Variants in KHDC1 observed in about 807,000 individuals in gnomAD.
KHDC1 encodes the protein KH homology domain-containing protein 1.
Under a neutral mutation model 24.7 loss-of-function variants are expected in KHDC1, and 21 were observed. That is an observed-to-expected ratio of 0.85 (90% confidence interval 0.60 to 1.23). KHDC1 has a LOEUF of 1.23. Ranked by LOEUF, KHDC1 falls within the 50% of genes most tolerant of loss-of-function variation. The pLI is 0.00. For synonymous variants in KHDC1, 98 were observed against 111.7 expected (o/e 0.88, Z 0.77); for missense variants, 274 against 298.5 (o/e 0.92, Z 0.61).
chr6:73,276,845 TTA>T (rs1409271839), intron 2 of KHDC1, among the ~76,000 whole-genome samples: 3 of 152,322 alleles, frequency 2.0e-5, no homozygotes, highest in African/African-American at 7.2e-5. Flanking sequence ...AGAGACTTGT[TTA>T]AAGATTCAAA....
chr6:73,259,326 C>A (rs921605515), intron 2 of KHDC1, among the ~76,000 whole-genome samples: 4 of 113,408 alleles, frequency 3.5e-5, no homozygotes, highest in Non-Finnish European at 6.6e-5. Context: ...CTCGCTCTGT[C>A]GCCCAGGCTG....
intron 2 of KHDC1, among the ~76,000 whole-genome samples, chr6:73,281,111 A>G (rs1317462315): frequency 6.6e-6 from 1 of 152,102 alleles, no homozygotes; most frequent in Non-Finnish European, 1.5e-5. Flanking sequence ...TGGGAGGCCA[A>G]GGCAGGCGGA....
chr6:73,268,447 G>C (rs1041823705), intron 2 of KHDC1: 3 of 152,356 alleles, frequency 2.0e-5, no homozygotes, highest in African/African-American at 7.2e-5. Context: ...TGTGGAAGGG[G>C]ACCCCAACGG....
intron 2 of KHDC1, among the ~76,000 whole-genome samples, chr6:73,286,679 T>G (rs1489247311): frequency 6.6e-6 from 1 of 152,028 alleles, no homozygotes; most frequent in African/African-American, 2.4e-5. Flanking sequence ...GTCAGGAGTT[T>G]GAGACCAGCC....
chr6:73,309,417 G>A lies in KHDC1; in HGVS notation c.163+135C>T, dbSNP rs942207397. ...CACACCCAGGGTTTTTTTTAACATG[G>A]TGATTTGCAGAACTGTCCTAGGCCT... On this transcript the variant is annotated intron_variant, in intron 1 of 4. Transcript: ENST00000370384. 7 of 817,692 alleles carry A rather than the reference G, an allele frequency of 8.6e-6. No individual in the cohort carries two copies. In the African/African-American group the frequency reaches 9.0e-5, roughly 11 times the overall value. The allele number at this position is 817,692 out of a possible 1,614,324, so 50.7% of individuals were successfully genotyped here.
intron 2 of KHDC1, among the ~76,000 whole-genome samples, chr6:73,272,715 G>A (rs1003178568): frequency 2.0e-5 from 3 of 151,002 alleles, no homozygotes; most frequent in African/African-American, 7.3e-5. Context: ...GGCAGAGGTT[G>A]CAGTGAGCCG....
intron 2 of KHDC1, chr6:73,291,104 C>G: frequency 2.1e-6 from 1 of 485,718 alleles, no homozygotes; most frequent in Admixed American, 2.2e-5. Flanking sequence ...TACTGCTACT[C>G]AATCTGAGGT....
chr6:73,281,658 AGTT>A (rs1767413085), intron 2 of KHDC1, among the ~76,000 whole-genome samples: 1 of 151,150 alleles, frequency 6.6e-6, no homozygotes, highest in South Asian at 2.1e-4. Flanking sequence ...TTTACAGAAG[AGTT>A]GTGAGGATAG....
At chr6:73,281,890 C>G (rs116470700) in intron 2 of KHDC1, among the ~76,000 whole-genome samples, 2 of 151,882 alleles carry the variant, frequency 1.3e-5, no homozygotes, top group African/African-American at 4.8e-5. Flanking sequence ...ATGACCTTGA[C>G]AGTTTTGAGG....
chr6:73,263,244 C>G (rs35806061), intron 2 of KHDC1, 48 bp from the exon 1 acceptor site: 61,449 of 986,438 alleles, frequency 0.062, 1,961 homozygotes, highest in East Asian at 0.13. Flanking sequence ...GGAAGCAACC[C>G]AGAGCCCTCC....
chr6:73,273,558 T>C (rs532994311), intron 2 of KHDC1, among the ~76,000 whole-genome samples: 2 of 152,002 alleles, frequency 1.3e-5, no homozygotes, highest in South Asian at 4.2e-4. Context: ...GGCTCACGCC[T>C]GTAGTCCCAG....
Position 73,282,492 on chromosome 6 carries a change from A to T in KHDC1, c.206+9506T>A, listed in dbSNP as rs145232505. ...ACTTAGTTTATAGGTTAAAACGAAGATGATAACAGCCCTTTCCCAAAACAA... is the reference window on the plus strand; with the variant it reads ...ACTTAGTTTATAGGTTAAAACGAAGTTGATAACAGCCCTTTCCCAAAACAA... On this transcript the variant is annotated intron_variant, in intron 2 of 4. Transcript: ENST00000370384. Among the ~76,000 whole-genome samples the T allele has an allele frequency of 4.6e-5, 7 of 152,282 alleles. No homozygotes were observed. In the East Asian group the frequency reaches 1.4e-3, roughly 29 times the overall value.
intron 1 of KHDC1, among the ~76,000 whole-genome samples, chr6:73,304,986 C>T (rs1220717597): frequency 7.2e-5 from 11 of 152,104 alleles, no homozygotes; most frequent in Admixed American, 2.6e-4. Context: ...ACTTGTAATC[C>T]AAGCACTTTG....
At chr6:73,292,293 G>A (rs1767669236) in intron 1 of KHDC1, 1 of 1,171,768 alleles carries the variant, frequency 8.5e-7, no homozygotes, top group Admixed American at 1.7e-5. Flanking sequence ...AGGGATGGTA[G>A]GATGCTCTTT....
chr6:73,272,501 C>T (rs868118893), intron 2 of KHDC1, among the ~76,000 whole-genome samples: 4 of 152,016 alleles, frequency 2.6e-5, no homozygotes, highest in Admixed American at 6.5e-5. Flanking sequence ...GAAGGCCAGA[C>T]GTGGTGGCTC....
chr6:73,262,669 T>C, intron 2 of KHDC1, 105 bp downstream of exon 1: 2 of 887,676 alleles, frequency 2.3e-6, no homozygotes, highest in Non-Finnish European at 2.7e-6. Context: ...TGCTATCTCC[T>C]GTTTCCCCTG....
In KHDC1 at chr6:73,294,005, C is replaced by CAAA. The variant is rs111522900; in HGVS notation, c.164-1968_164-1966dup. ...TGGGCAACAGAGTGAGACTCCACCT[C>CAAA]AAAAAAAAAAAAACAAAAAAAAACC... On this transcript the variant is annotated intron_variant, in intron 1 of 4. Transcript: ENST00000370384. 1.8e-3 allele frequency among the ~76,000 whole-genome samples: 115 copies of CAAA among 64,714 alleles called. 11 individuals are homozygous for CAAA. Among genetic ancestry groups the CAAA allele is most frequent in the Non-Finnish European group, 2.2e-3 (66 of 29,416 alleles). 42.5% of individuals were successfully genotyped at this position (64,714 alleles called of 152,430 possible).
intron 2 of KHDC1, among the ~76,000 whole-genome samples, chr6:73,248,954 A>AAAG (rs1766726934): frequency 6.6e-6 from 1 of 151,770 alleles, no homozygotes; most frequent in African/African-American, 2.4e-5. Context: ...AAAAAAAAAA[A>AAAG]AAAGAAAGAA....
intron 2 of KHDC1, chr6:73,290,402 T>C (rs1767624621): frequency 8.8e-6 from 3 of 339,082 alleles, no homozygotes; most frequent in South Asian, 7.9e-5. Context: ...CCAGAGCCCT[T>C]GATGTCCTCA....
Sources: gnomAD v4.1 joint callset for allele counts (sites outside exome capture counted in the v4.1 genomes callset) on GRCh38, gnomAD v4.1.1 for gene constraint, MANE v1.5 for transcripts, NCBI Gene and HGNC (gene_info 2026-07-23, HGNC 2026-07-21) for gene names.